The following IRAG1 variants were observed in gnomAD, a reference collection of about 807,000 sequenced individuals.
IRAG1 encodes the protein inositol 1,4,5-triphosphate receptor associated 1, also known as IP3R-associated cGMP kinase substrate.
A neutral mutation model predicts 106.2 loss-of-function variants in IRAG1; 62 were observed. That is an observed-to-expected ratio of 0.58 (90% confidence interval 0.48 to 0.72). IRAG1 has a LOEUF of 0.72. Among genes scored for constraint, IRAG1 ranks in the 30% least tolerant of loss-of-function variants. IRAG1 has a pLI of 0.00. For missense variants in IRAG1, 1,064 were observed against 1,140.7 expected, an observed-to-expected ratio of 0.93 and a Z score of 0.97; for synonymous variants, 462 against 443.9, an observed-to-expected ratio of 1.04 and a Z score of -0.51.
At chr11:10,635,380 A>G (rs1384336922) in intron 2 of IRAG1, among the ~76,000 whole-genome samples, 2 of 152,056 alleles carry the variant, frequency 1.3e-5, no homozygotes, top group Non-Finnish European at 2.9e-5. Flanking sequence ...TGTTGCTGCC[A>G]CCTCCACTAT....
At chr11:10,617,307 A>G in intron 10 of IRAG1, 1 of 504,926 alleles carries the variant, frequency 2.0e-6, no homozygotes, top group Non-Finnish European at 2.6e-6. Context: ...TGCAAATAAA[A>G]AATAGCTTAA....
In IRAG1 at chr11:10,628,212, G is replaced by T; in HGVS notation, c.653-187C>A. On this transcript the variant is annotated intron_variant, in intron 6 of 20. Transcript: ENST00000423302. The surrounding 1 kb of genome is among the most constrained non-coding windows in gnomAD (Gnocchi z 4.1). Reference sequence around the variant, plus strand: ...AGAATGTTCACAGAGACCACAGGAGGAAACTGAGGCACAGGGAAATCAAAG... The same window carrying T: ...AGAATGTTCACAGAGACCACAGGAGTAAACTGAGGCACAGGGAAATCAAAG... 1.4e-6 allele frequency: 1 copy of T among 709,956 alleles called. No homozygotes were observed. The highest frequency in any genetic ancestry group is 2.6e-6 in the Non-Finnish European group (1 of 390,390). 44.0% of individuals were successfully genotyped at this position (709,956 alleles called of 1,614,324 possible). A position where few individuals can be genotyped will look rare whatever the true frequency, so the allele number is the denominator to read the frequency against.
At chr11:10,587,629 G>T (rs1328931296) in intron 18 of IRAG1, among the ~76,000 whole-genome samples, 2 of 152,144 alleles carry the variant, frequency 1.3e-5, no homozygotes, top group African/African-American at 4.8e-5. Context: ...AAATTGCTCT[G>T]TGATACATTA....
chr11:10,655,169 G>A lies in IRAG1; in HGVS notation c.68-2987C>T, dbSNP rs147730325. ...TATGTGTGACGTATGTACAGGTCCA[G>A]GCTGTCTTAACAGGGGCATGGTTTC... On this transcript the variant is annotated intron_variant, in intron 1 of 20. Transcript: ENST00000423302. Among the ~76,000 whole-genome samples the A allele has an allele frequency of 1.4e-4, 22 of 152,294 alleles. No individual in the cohort carries two copies. The East Asian group carries it at 4.2e-3, about 29-fold the overall frequency.
At chr11:10,618,796 G>A (rs953472321) in intron 10 of IRAG1, among the ~76,000 whole-genome samples, 3 of 152,210 alleles carry the variant, frequency 2.0e-5, no homozygotes, top group Admixed American at 6.5e-5. Context: ...AGAATATGCT[G>A]GGGAAGTGGG....
chr11:10,603,078 G>A, intron 14 of IRAG1, 42 bp downstream of exon 14: 1 of 1,588,768 alleles, frequency 6.3e-7, no homozygotes, highest in Non-Finnish European at 8.6e-7. Flanking sequence ...ACTTTACGTA[G>A]GTGGAACAGA....
chr11:10,676,763 C>T (rs1860711716), intron 1 of IRAG1, among the ~76,000 whole-genome samples: 1 of 152,182 alleles, frequency 6.6e-6, no homozygotes, highest in Admixed American at 6.5e-5. Flanking sequence ...TGATATGATC[C>T]AGAACATTCT....
chr11:10,578,393 T>C (rs1175280196), intron 20 of IRAG1, among the ~76,000 whole-genome samples: 1 of 152,252 alleles, frequency 6.6e-6, no homozygotes, highest in Non-Finnish European at 1.5e-5. Flanking sequence ...GGTTAAAATA[T>C]TGGGGTTTAC....
chr11:10,576,520 G>A lies in IRAG1; in HGVS notation c.2551C>T (p.His851Tyr). The change falls in exon 21 of 21, where the codon CAC becomes TAC. Residue 851 changes from histidine (H) to tyrosine (Y), a missense_variant. His to Tyr is a moderately conservative substitution (Grantham distance 83, BLOSUM62 2). Coordinates refer to ENST00000423302, the MANE Select transcript of IRAG1 (RefSeq NM_130385.4). ...GCCATCATCCAGATCACTTGCCAGT[G>A]CTGACACAGTTTGGGATACATGACT... ...LQVMYPKLCQ[H>Y]WQVIWMMAAV... 6.2e-7 allele frequency: 1 copy of A among 1,614,042 alleles called. No individual in the cohort carries two copies. Among genetic ancestry groups the A allele is most frequent in the Non-Finnish European group, 8.5e-7 (1 of 1,179,896 alleles).
At chr11:10,691,182 C>G (rs965404091) in intron 1 of IRAG1, among the ~76,000 whole-genome samples, 8 of 152,294 alleles carry the variant, frequency 5.3e-5, no homozygotes, top group African/African-American at 1.7e-4. Context: ...AAAATCAACC[C>G]AGGGCCCTGT....
At chr11:10,616,290 CAA>C (rs71034776) in intron 10 of IRAG1, among the ~76,000 whole-genome samples, 10 of 117,310 alleles carry the variant, frequency 8.5e-5, no homozygotes, top group East Asian at 2.3e-4. Flanking sequence ...GACTCCATCT[CAA>C]AAAAAAAAAA....
chr11:10,625,676 A>T (rs1327599896), intron 9 of IRAG1, among the ~76,000 whole-genome samples: 1 of 152,070 alleles, frequency 6.6e-6, no homozygotes, highest in Non-Finnish European at 1.5e-5. Flanking sequence ...AGGGGCCCAC[A>T]TGTCCCTCCA....
At chr11:10,643,575 A>C (rs1857708705) in intron 2 of IRAG1, among the ~76,000 whole-genome samples, 1 of 152,232 alleles carries the variant, frequency 6.6e-6, no homozygotes, top group Non-Finnish European at 1.5e-5. Context: ...CTAGTCGTTC[A>C]TCCGTCATAT....
intron 14 of IRAG1, 98 bp downstream of exon 14, chr11:10,603,022 A>G: frequency 7.2e-7 from 1 of 1,398,234 alleles, no homozygotes; most frequent in East Asian, 2.5e-5. Context: ...AGAGGAAGCC[A>G]CCTCTAAGTG....
intron 18 of IRAG1, among the ~76,000 whole-genome samples, chr11:10,590,118 C>T (rs77415046): frequency 0.047 from 7,129 of 152,202 alleles, 206 homozygotes; most frequent in Middle Eastern, 0.11. Context: ...TAGTGGGTTT[C>T]TCAGTCAGAG....
At chr11:10,619,934 C>G (rs1419331782) in intron 10 of IRAG1, among the ~76,000 whole-genome samples, 1 of 152,074 alleles carries the variant, frequency 6.6e-6, no homozygotes, top group Admixed American at 6.6e-5. Flanking sequence ...ATTCATTTGC[C>G]TGATAATTTT....
intron 2 of IRAG1, among the ~76,000 whole-genome samples, chr11:10,636,264 T>C (rs73413822): frequency 1.8e-3 from 276 of 152,324 alleles, no homozygotes; most frequent in African/African-American, 6.3e-3. Flanking sequence ...AGCCTCTGCC[T>C]CCTGGGCTCA....
At chr11:10,635,044 T>C (rs1250555680) in intron 2 of IRAG1, among the ~76,000 whole-genome samples, 1 of 152,148 alleles carries the variant, frequency 6.6e-6, no homozygotes, top group Non-Finnish European at 1.5e-5. Flanking sequence ...TCACTAGCAA[T>C]GCAGGAAAAG....
At position 10,574,557 on chromosome 11, in the gene IRAG1, T is replaced by C. The variant is rs1850726907; in HGVS notation, c.*1775A>G. 6.6e-6 allele frequency: 1 copy of C among 152,136 alleles called. No homozygotes were observed. The highest frequency in any genetic ancestry group is 1.5e-5 in the Non-Finnish European group (1 of 68,050). 9.4% of individuals were successfully genotyped at this position (152,136 alleles called of 1,614,324 possible). A position where few individuals can be genotyped will look rare whatever the true frequency, so the allele number is the denominator to read the frequency against. On this transcript the variant is annotated 3_prime_UTR_variant, in exon 21 of 21. Coordinates refer to ENST00000423302, the MANE Select transcript of IRAG1 (RefSeq NM_130385.4). ...AGTGTGTGACCTATTATGTTGTGTC[T>C]GGTGAGGAGTATGGAAGGAAGGTCA...
Sources: gnomAD v4.1 joint callset for allele counts (sites outside exome capture counted in the v4.1 genomes callset) on GRCh38, gnomAD v4.1.1 for gene constraint, Gnocchi (gnomAD v3.1) non-coding constraint, MANE v1.5 for transcripts, NCBI Gene and HGNC (gene_info 2026-07-23, HGNC 2026-07-21) for gene names.